MCTP2: variants seen among roughly 807,000 people sequenced by gnomAD.
MCTP2 encodes multiple C2 and transmembrane domain containing 2.
Under a neutral mutation model 111.6 loss-of-function variants are expected in MCTP2, and 132 were observed. The ratio of observed to expected loss-of-function variants is 1.18; its 90% CI spans 1.03 to 1.37. The LOEUF (loss-of-function observed/expected upper bound fraction) is 1.37. Among genes scored for constraint, MCTP2 ranks in the 40% most tolerant of loss-of-function variants. MCTP2 has a pLI of 0.00. For synonymous variants in MCTP2, 395 were observed against 387.7 expected (o/e 1.02, Z -0.22); for missense variants, 1,183 against 1,067.9 (o/e 1.11, Z -1.50).
At chr15:94,384,917 G>A (rs183017053) in intron 13 of MCTP2, among the ~76,000 whole-genome samples, 2 of 152,048 alleles carry the variant, frequency 1.3e-5, no homozygotes, top group East Asian at 3.9e-4. Flanking sequence ...CATTGTCCCT[G>A]GTATCTGGCT....
At chr15:94,305,857 A>T (rs1481225940) in intron 2 of MCTP2, among the ~76,000 whole-genome samples, 1 of 152,092 alleles carries the variant, frequency 6.6e-6, no homozygotes, top group Non-Finnish European at 1.5e-5. Context: ...GAGGGAGAGG[A>T]GCTTATTTTT....
intron 1 of MCTP2, among the ~76,000 whole-genome samples, chr15:94,234,301 A>G (rs1463033103): frequency 6.6e-6 from 1 of 152,206 alleles, no homozygotes; most frequent in East Asian, 1.9e-4. Flanking sequence ...TAGGTGTGAA[A>G]GTGAATATGT....
chr15:94,444,225 A>G (rs1286912083), intron 19 of MCTP2, among the ~76,000 whole-genome samples: 2 of 152,212 alleles, frequency 1.3e-5, no homozygotes, highest in African/African-American at 4.8e-5. Flanking sequence ...AAATGGAAGA[A>G]ATGCACAGGG....
intron 1 of MCTP2, among the ~76,000 whole-genome samples, chr15:94,262,487 G>A (rs1337931628): frequency 6.6e-6 from 1 of 152,128 alleles, no homozygotes; most frequent in Non-Finnish European, 1.5e-5. Context: ...AAATCTAACA[G>A]TGATTGCAAG....
At position 94,309,604 on chromosome 15, in the gene MCTP2, G is replaced by A. The variant is rs144260524; in HGVS notation, c.466-4678G>A. Among the ~76,000 whole-genome samples the A allele has an allele frequency of 5.8e-3, 879 of 152,272 alleles. 3 individuals are homozygous for A. Among genetic ancestry groups the A allele is most frequent in the African/African-American group, 0.019 (800 of 41,558 alleles). On this transcript the variant is annotated intron_variant, in intron 2 of 22. Coordinates refer to ENST00000357742, the MANE Select transcript of MCTP2 (RefSeq NM_001385001.1). ...ATTTAGTGTATATTGAAAGGAAAAT[G>A]TTTATTCACAACAGTTTCTTGCCCT...
chr15:94,234,312 A>G (rs1253157398), intron 1 of MCTP2, among the ~76,000 whole-genome samples: 1 of 152,230 alleles, frequency 6.6e-6, no homozygotes, highest in Admixed American at 6.5e-5. Flanking sequence ...GTGAATATGT[A>G]TTTAAAATGA....
chr15:94,345,356 G>C (rs1475087942), intron 8 of MCTP2, among the ~76,000 whole-genome samples, 192 bp downstream of exon 8: 1 of 152,122 alleles, frequency 6.6e-6, no homozygotes, highest in East Asian at 1.9e-4. Flanking sequence ...CCAGATGTTT[G>C]AGCTGACTCT....
At chr15:94,367,162 A>T (rs547861347) in intron 10 of MCTP2, among the ~76,000 whole-genome samples, 96 of 149,222 alleles carry the variant, frequency 6.4e-4, no homozygotes, top group African/African-American at 2.3e-3. Context: ...ACCCTCTCCC[A>T]CTTGCCTTTC....
chr15:94,364,384 A>C (rs1274719097), intron 10 of MCTP2, among the ~76,000 whole-genome samples: 2 of 152,138 alleles, frequency 1.3e-5, no homozygotes, highest in Admixed American at 1.3e-4. Context: ...CAAAGAGAGG[A>C]CAGAAAAGAG....
intron 17 of MCTP2, chr15:94,402,972 T>C (rs1009118300): frequency 6.6e-5 from 67 of 1,008,518 alleles, no homozygotes; most frequent in Non-Finnish European, 7.9e-5. Context: ...CCAACAGGCA[T>C]AGCCTCATAT....
intron 17 of MCTP2, among the ~76,000 whole-genome samples, chr15:94,415,829 G>A (rs2082351595): frequency 6.6e-6 from 1 of 152,088 alleles, no homozygotes; most frequent in African/African-American, 2.4e-5. Context: ...TTGTGTGTCT[G>A]GAGAGCTGAT....
intron 2 of MCTP2, among the ~76,000 whole-genome samples, chr15:94,313,130 G>A (rs375963581): frequency 2.0e-5 from 3 of 152,152 alleles, no homozygotes; most frequent in Admixed American, 1.3e-4. Context: ...GGTTTTCATT[G>A]ACGCAATCAG....
intron 4 of MCTP2, among the ~76,000 whole-genome samples, chr15:94,338,958 G>T (rs1013115528): frequency 1.3e-5 from 2 of 152,136 alleles, no homozygotes; most frequent in Non-Finnish European, 2.9e-5. Flanking sequence ...CCTAGGAGAG[G>T]GTGGGCTTCT....
In MCTP2 at chr15:94,298,342, A is replaced by G; in HGVS notation, c.77A>G (p.Lys26Arg). ...CCATTGTTGATCAACTTGAGCAAGA[A>G]GAAGGTGAAAAAGAACCCAAGTAAG... ...TRPLLINLSK[K>R]KVKKNPSKPP... The change falls in exon 2 of 23, where the codon AAG becomes AGG. Residue 26 changes from lysine (K) to arginine (R), a missense_variant. Lys to Arg is a conservative substitution (Grantham distance 26). Transcript: ENST00000357742. The G allele has an allele frequency of 1.2e-6, 2 of 1,614,162 alleles. No homozygotes were observed. The highest frequency in any genetic ancestry group is 2.2e-5 in the East Asian group (1 of 44,880).
chr15:94,464,828 C>T (rs892501918), intron 20 of MCTP2, among the ~76,000 whole-genome samples: 8 of 151,940 alleles, frequency 5.3e-5, no homozygotes, highest in East Asian at 1.9e-4. Context: ...GTTATCTTTT[C>T]GTTTCTGATT....
intron 1 of MCTP2, chr15:94,278,073 ATGAAGCTGTCAAATGCCC>A (rs1402489191): frequency 6.6e-6 from 1 of 152,180 alleles, no homozygotes; most frequent in Non-Finnish European, 1.5e-5. Flanking sequence ...TGAAAATATC[ATGAAGCTGTCAAATGCCC>A]TAATATTAAT....
chr15:94,277,940 G>A (rs1054598651), intron 1 of MCTP2, among the ~76,000 whole-genome samples: 67 of 152,072 alleles, frequency 4.4e-4, no homozygotes, highest in African/African-American at 1.6e-3. Context: ...AGGATGGACA[G>A]AGGTAGTATA....
rs974639349 is a variant in MCTP2 at position 94,483,345 on chromosome 15, A to T, written c.*4311A>T. ...AAATACCATTTGACCCAGCAATCCC[A>T]TAACTGGGTATGTACCCAAAGGAAT... On this transcript the variant is annotated 3_prime_UTR_variant, in exon 23 of 23. Transcript: ENST00000357742. 4.6e-5 allele frequency: 7 copies of T among 152,228 alleles called. No homozygotes were observed. Among genetic ancestry groups the T allele is most frequent in the African/African-American group, 7.2e-5 (3 of 41,444 alleles). 9.4% of individuals were successfully genotyped at this position (152,228 alleles called of 1,614,324 possible).
intron 1 of MCTP2, among the ~76,000 whole-genome samples, chr15:94,242,910 C>A (rs577113353): frequency 6.1e-5 from 9 of 146,954 alleles, no homozygotes; most frequent in Admixed American, 6.1e-4. Context: ...TATATGTATA[C>A]ACATATACAC....
Sources: gnomAD v4.1 joint callset for allele counts (sites outside exome capture counted in the v4.1 genomes callset) on GRCh38, gnomAD v4.1.1 for gene constraint, MANE v1.5 for transcripts, NCBI Gene and HGNC (gene_info 2026-07-23, HGNC 2026-07-21) for gene names.